FAM13A: variants seen among roughly 807,000 people sequenced by gnomAD.
The protein encoded by FAM13A is protein FAM13A.
FAM13A carries 76 observed loss-of-function variants against 129.6 expected under a neutral mutation model. That is an observed-to-expected ratio of 0.59 (90% CI 0.49 to 0.71). FAM13A has a LOEUF of 0.71. FAM13A is among the 30% of genes least tolerant of loss of function. The pLI is 0.00. For synonymous variants in FAM13A, 443 were observed against 449.9 expected (o/e 0.98, Z 0.20); for missense variants, 1,108 against 1,249.3 (o/e 0.89, Z 1.70).
chr4:88,948,602 C>T (rs1411039403), intron 4 of FAM13A, among the ~76,000 whole-genome samples: 1 of 152,098 alleles, frequency 6.6e-6, no homozygotes, highest in African/African-American at 2.4e-5. Flanking sequence ...AATTCTCCCG[C>T]CTCGGCTTCC....
chr4:89,029,669 A>G lies in FAM13A; in HGVS notation c.28-20T>C, dbSNP rs1768433899. The G allele has an allele frequency of 6.4e-7, 1 of 1,570,306 alleles. No individual in the cohort carries two copies. The highest frequency in any genetic ancestry group is 1.4e-5 in the African/African-American group (1 of 71,982). ...ACTTTGCTTAAAGGAGCGTAAGAAA[A>G]AAGAGCAGTCAGTCATATTTACCAC... On this transcript the variant is annotated intron_variant, in intron 1 of 23. Coordinates refer to ENST00000264344, the MANE Select transcript of FAM13A (RefSeq NM_014883.4).
At chr4:89,041,092 T>C (rs1381539338) in intron 1 of FAM13A, among the ~76,000 whole-genome samples, 2 of 152,206 alleles carry the variant, frequency 1.3e-5, no homozygotes, top group East Asian at 3.9e-4. Flanking sequence ...GTTATGAGTG[T>C]GAGTATAAGG....
At chr4:88,957,312 G>C (rs1201956211) in intron 4 of FAM13A, among the ~76,000 whole-genome samples, 1 of 151,738 alleles carries the variant, frequency 6.6e-6, no homozygotes, top group African/African-American at 2.4e-5. Flanking sequence ...CTGCATGACA[G>C]AGCGAGACTC....
rs202155245 is a variant in FAM13A, at chr4:88,855,085, AG to A, written c.844-3903del. Among the ~76,000 whole-genome samples, 6 of 152,338 alleles carry A rather than the reference AG, an allele frequency of 3.9e-5. No homozygotes were observed. The East Asian group carries it at 1.2e-3, about 29-fold the overall frequency. ...AGGAGTAAGTGGCAGAGTTACCATCAGAACCCAGACAGGCCTCAGTACCTGT... is the reference window on the plus strand; with the variant it reads ...AGGAGTAAGTGGCAGAGTTACCATCAAACCCAGACAGGCCTCAGTACCTGT... On this transcript the variant is annotated intron_variant, in intron 6 of 23. Transcript: ENST00000264344.
intron 2 of FAM13A, among the ~76,000 whole-genome samples, chr4:89,026,815 AT>A (rs1386176968): frequency 1.3e-5 from 2 of 152,200 alleles, no homozygotes; most frequent in Non-Finnish European, 2.9e-5. Flanking sequence ...AAGCCTAACC[AT>A]ATCAGTCATC....
chr4:88,883,445 A>T (rs775252090), intron 6 of FAM13A, among the ~76,000 whole-genome samples: 90 of 152,274 alleles, frequency 5.9e-4, no homozygotes, highest in Non-Finnish European at 1.1e-3. Flanking sequence ...GATGGAAATT[A>T]AAAAATTCAT....
At chr4:88,827,757 A>C (rs531836874) in intron 7 of FAM13A, among the ~76,000 whole-genome samples, 1 of 152,286 alleles carries the variant, frequency 6.6e-6, no homozygotes, top group East Asian at 1.9e-4. Flanking sequence ...TAACGTTCAA[A>C]ATATTCTTTC....
chr4:88,929,180 G>GTTTT (rs34612690), intron 5 of FAM13A, among the ~76,000 whole-genome samples: 1 of 150,320 alleles, frequency 6.7e-6, no homozygotes, highest in Non-Finnish European at 1.5e-5. Flanking sequence ...TTGGCTGATA[G>GTTTT]TTTTTTTTTT....
intron 7 of FAM13A, among the ~76,000 whole-genome samples, chr4:88,822,347 C>T (rs1001926020): frequency 6.9e-6 from 1 of 144,492 alleles, no homozygotes; most frequent in Non-Finnish European, 1.5e-5. Flanking sequence ...AACTCCTTCG[C>T]CTCCCCCCAG....
intron 11 of FAM13A, among the ~76,000 whole-genome samples, chr4:88,771,619 T>C (rs560942686): frequency 2.0e-5 from 3 of 152,324 alleles, no homozygotes; most frequent in Non-Finnish European, 4.4e-5. Flanking sequence ...TTATTTTAAT[T>C]CCTCTTCTAA....
intron 5 of FAM13A, among the ~76,000 whole-genome samples, chr4:88,908,703 A>G (rs1467321419): frequency 6.6e-6 from 1 of 152,192 alleles, no homozygotes; most frequent in Admixed American, 6.5e-5. Context: ...AATACAGACA[A>G]AGTAAAGTTT....
intron 4 of FAM13A, among the ~76,000 whole-genome samples, chr4:88,963,955 G>A (rs935653806): frequency 4.6e-5 from 7 of 152,098 alleles, no homozygotes; most frequent in Admixed American, 4.6e-4. Flanking sequence ...CACTCCTCAG[G>A]CAGGTCCCAC....
At chr4:88,817,733 G>T (rs1731056360) in intron 7 of FAM13A, among the ~76,000 whole-genome samples, 2 of 152,070 alleles carry the variant, frequency 1.3e-5, no homozygotes, top group African/African-American at 2.4e-5. Flanking sequence ...CAAGAAATTT[G>T]GTTCAATTCT....
intron 19 of FAM13A, among the ~76,000 whole-genome samples, chr4:88,744,418 A>G (rs565757856): frequency 6.6e-6 from 1 of 152,320 alleles, no homozygotes; most frequent in African/African-American, 2.4e-5. Context: ...TTGTGTTTAT[A>G]TATGTGTAAC....
chr4:88,856,561 G>T (rs765601049), intron 6 of FAM13A, among the ~76,000 whole-genome samples: 5 of 152,110 alleles, frequency 3.3e-5, no homozygotes, highest in Admixed American at 6.6e-5. Context: ...CTCTAACTGT[G>T]TTCTTTTCAT....
At chr4:88,802,524 T>C (rs1337320479) in intron 8 of FAM13A, among the ~76,000 whole-genome samples, 1 of 152,154 alleles carries the variant, frequency 6.6e-6, no homozygotes, top group Non-Finnish European at 1.5e-5. Flanking sequence ...CCCTACCATA[T>C]TACAGAAAGG....
At chr4:88,972,511 G>C (rs1760259153) in intron 4 of FAM13A, among the ~76,000 whole-genome samples, 1 of 151,886 alleles carries the variant, frequency 6.6e-6, no homozygotes, top group Non-Finnish European at 1.5e-5. Flanking sequence ...ATGTTGGCCA[G>C]GCTGGTCTCA....
intron 6 of FAM13A, among the ~76,000 whole-genome samples, chr4:88,866,842 T>G (rs766035962): frequency 2.6e-5 from 4 of 152,222 alleles, no homozygotes; most frequent in Non-Finnish European, 5.9e-5. Context: ...GTGTGGAGAC[T>G]TTAATATTTC....
intron 19 of FAM13A, among the ~76,000 whole-genome samples, chr4:88,743,214 G>A (rs962278687): frequency 6.6e-6 from 1 of 152,136 alleles, no homozygotes; most frequent in Non-Finnish European, 1.5e-5. Context: ...AAAACACAAA[G>A]GGAACACTAG....
Sources: allele counts gnomAD v4.1 joint callset (sites outside exome capture counted in the v4.1 genomes callset), GRCh38; gene constraint gnomAD v4.1.1; transcripts MANE v1.5; gene names NCBI Gene and HGNC (gene_info 2026-07-23, HGNC 2026-07-21).